Variants in ABTB2 observed in about 807,000 individuals in gnomAD.
The protein encoded by ABTB2 is ankyrin repeat and BTB/POZ domain-containing protein 2.
In ABTB2, 56 loss-of-function variants were observed where a neutral mutation model predicts 104.1. That is an observed-to-expected ratio of 0.54 (90% CI 0.43 to 0.67). ABTB2 has a LOEUF of 0.67. Among genes scored for constraint, ABTB2 ranks in the 30% least tolerant of loss-of-function variants. ABTB2 has a pLI of 0.00. For synonymous variants in ABTB2, 606 were observed against 608.2 expected, an observed-to-expected ratio of 1.00 and a Z score of 0.05; for missense variants, 1,279 against 1,407.7, an observed-to-expected ratio of 0.91 and a Z score of 1.46.
chr11:34,328,518 A>G (rs2133115488), intron 1 of ABTB2, among the ~76,000 whole-genome samples: 1 of 152,314 alleles, frequency 6.6e-6, no homozygotes, highest in East Asian at 1.9e-4. Flanking sequence ...TAAATGAGAC[A>G]ACGTATGCAA....
rs1420345874 is a variant in ABTB2, at chr11:34,275,131, T to C, written c.884-70441A>G. Reference sequence around the variant, plus strand: ...GTGGGGACCTAAGCCCACACCACATTGAATCCCTTCCCCAAACCCAACAGG... The same window carrying C: ...GTGGGGACCTAAGCCCACACCACATCGAATCCCTTCCCCAAACCCAACAGG... On this transcript the variant is annotated intron_variant, in intron 1 of 16. Coordinates refer to ENST00000435224, the MANE Select transcript of ABTB2 (RefSeq NM_145804.3). 3.3e-5 allele frequency among the ~76,000 whole-genome samples: 5 copies of C among 152,262 alleles called. No individual in the cohort carries two copies. The South Asian group carries it at 1.0e-3, about 32-fold the overall frequency.
chr11:34,278,918 C>T (rs1366187959), intron 1 of ABTB2, among the ~76,000 whole-genome samples: 1 of 152,208 alleles, frequency 6.6e-6, no homozygotes, highest in Non-Finnish European at 1.5e-5. Context: ...GGCCAAAGAT[C>T]CCAGCCACTG....
At chr11:34,195,188 C>T (rs12278589) in intron 3 of ABTB2, among the ~76,000 whole-genome samples, 2,378 of 151,558 alleles carry the variant, frequency 0.016, 54 homozygotes, top group African/African-American at 0.055. Flanking sequence ...CTGAAGAAGG[C>T]GCCTGTCCTC....
intron 1 of ABTB2, among the ~76,000 whole-genome samples, chr11:34,345,703 T>C (rs920557131): frequency 6.6e-6 from 1 of 152,170 alleles, no homozygotes; most frequent in Non-Finnish European, 1.5e-5. Flanking sequence ...CCCAGCATAG[T>C]CCTGGCCTGC....
At chr11:34,319,331 C>T (rs746923002) in intron 1 of ABTB2, among the ~76,000 whole-genome samples, 1 of 152,224 alleles carries the variant, frequency 6.6e-6, no homozygotes, top group Non-Finnish European at 1.5e-5. Flanking sequence ...CCAAAGCTTA[C>T]TGGGATCTCT....
At position 34,172,395 on chromosome 11, in the gene ABTB2, AATAT is replaced by A. The variant is rs71037402; in HGVS notation, c.1397+756_1397+759del. Among the ~76,000 whole-genome samples the A allele has an allele frequency of 2.9e-3, 85 of 29,058 alleles. 1 individual carries two copies. Among genetic ancestry groups the A allele is most frequent in the African/African-American group, 8.0e-3 (81 of 10,176 alleles). The allele number at this position is 29,058 out of a possible 152,430, so 19.1% of individuals were successfully genotyped here. ...TCAAAAAAAAAAAAAAAAAAAAAAAAATATATATATATATATATATATATGTGTG... is the reference window on the plus strand; with the variant it reads ...TCAAAAAAAAAAAAAAAAAAAAAAAAATATATATATATATATATATGTGTG... On this transcript the variant is annotated intron_variant, in intron 4 of 16. Coordinates refer to ENST00000435224, the MANE Select transcript of ABTB2 (RefSeq NM_145804.3).
At chr11:34,333,608 T>C (rs920480519) in intron 1 of ABTB2, among the ~76,000 whole-genome samples, 4 of 151,896 alleles carry the variant, frequency 2.6e-5, no homozygotes, top group Non-Finnish European at 4.4e-5. Context: ...ATAAACAAAT[T>C]AGCTGGGCAT....
intron 1 of ABTB2, among the ~76,000 whole-genome samples, chr11:34,270,747 A>G (rs543170275): frequency 6.6e-6 from 1 of 152,280 alleles, no homozygotes; most frequent in East Asian, 1.9e-4. Context: ...GCATTTGCCT[A>G]TCTAGAGGGG....
chr11:34,266,471 TCCCTGCCAG>T (rs1465790135), intron 1 of ABTB2, among the ~76,000 whole-genome samples: 1 of 152,182 alleles, frequency 6.6e-6, no homozygotes, highest in Non-Finnish European at 1.5e-5. Flanking sequence ...ATCAGACCAA[TCCCTGCCAG>T]CCCTGACACT....
intron 3 of ABTB2, among the ~76,000 whole-genome samples, chr11:34,176,152 C>CA (rs567608203): frequency 2.6e-4 from 39 of 152,030 alleles, no homozygotes; most frequent in East Asian, 5.8e-4. Context: ...TGGTGGTACT[C>CA]ACCTGTAGTT....
At position 34,159,935 on chromosome 11, in the gene ABTB2, A is replaced by G; in HGVS notation, c.2577T>C (p.His859=). ...TAGAAGCTGTCACCAGCAGGACTTT[A>G]TGTGCATAAAACAGCTTTCCTTCCA... ...FLVEGKLFYA[H]KVLLVTASNR... is the part of the protein sequence containing the mutation. Residue 859 remains histidine (H), a synonymous_variant, in exon 13 of 17, where the codon CAT becomes CAC. Coordinates refer to ENST00000435224, the MANE Select transcript of ABTB2 (RefSeq NM_145804.3). The G allele has an allele frequency of 6.2e-7, 1 of 1,614,026 alleles. No individual in the cohort carries two copies. The highest frequency in any genetic ancestry group is 1.1e-5 in the South Asian group (1 of 91,078).
chr11:34,165,172 G>GC (rs1852780861), intron 8 of ABTB2, 88 bp downstream of exon 8: 1 of 1,238,562 alleles, frequency 8.1e-7, no homozygotes, highest in African/African-American at 1.5e-5. Flanking sequence ...GTGCTAAAGA[G>GC]ACCCCTGCAC....
At chr11:34,309,233 T>G (rs1854820491) in intron 1 of ABTB2, among the ~76,000 whole-genome samples, 1 of 152,240 alleles carries the variant, frequency 6.6e-6, no homozygotes, top group African/African-American at 2.4e-5. Flanking sequence ...CTCTTTCCAC[T>G]GCAACTGACC....
At chr11:34,189,571 A>G (rs1296681112) in intron 3 of ABTB2, among the ~76,000 whole-genome samples, 1 of 152,210 alleles carries the variant, frequency 6.6e-6, no homozygotes, top group Non-Finnish European at 1.5e-5. Flanking sequence ...ACTGCATCCC[A>G]CCCTGGGTGA....
In ABTB2 at chr11:34,152,146, A is replaced by G. The variant is rs1367549781; in HGVS notation, c.*241T>C. On this transcript the variant is annotated 3_prime_UTR_variant, in exon 17 of 17. Transcript: ENST00000435224. ...GTGCATGGCTGCCCTTGAGTTGCAA[A>G]CTGAGATGGGGAGGAGGGCCACCAG... is the stretch of plus-strand genomic sequence containing the variant. The G allele has an allele frequency of 5.6e-6, 3 of 531,402 alleles. No individual in the cohort carries two copies. The East Asian group carries it at 1.0e-4, about 18-fold the overall frequency. 32.9% of individuals were successfully genotyped at this position (531,402 alleles called of 1,614,324 possible).
At chr11:34,201,511 T>A (rs1233132983) in intron 2 of ABTB2, among the ~76,000 whole-genome samples, 1 of 152,170 alleles carries the variant, frequency 6.6e-6, no homozygotes, top group Non-Finnish European at 1.5e-5. Flanking sequence ...GTCCCAAAAC[T>A]CCGTGTGAAG....
intron 3 of ABTB2, among the ~76,000 whole-genome samples, chr11:34,175,918 A>G (rs1350080642): frequency 6.6e-6 from 1 of 152,020 alleles, no homozygotes; most frequent in African/African-American, 2.4e-5. Flanking sequence ...GATCCTATTT[A>G]TCCTTCAAGA....
intron 9 of ABTB2, among the ~76,000 whole-genome samples, chr11:34,163,719 C>T (rs1284774258): frequency 2.0e-5 from 3 of 152,244 alleles, no homozygotes; most frequent in Non-Finnish European, 2.9e-5. Flanking sequence ...CTCCTCCTCA[C>T]GTGTGGACTT....
intron 1 of ABTB2, among the ~76,000 whole-genome samples, chr11:34,238,515 T>G (rs2133061634): frequency 6.6e-6 from 1 of 152,340 alleles, no homozygotes; most frequent in African/African-American, 2.4e-5. Context: ...AAATATTTGT[T>G]GAATGGAGAT....
Sources: allele counts gnomAD v4.1 joint callset (sites outside exome capture counted in the v4.1 genomes callset), GRCh38; gene constraint gnomAD v4.1.1; transcripts MANE v1.5; gene names NCBI Gene and HGNC (gene_info 2026-07-23, HGNC 2026-07-21).